Variants in JADE1 observed in about 807,000 individuals in gnomAD.
The protein encoded by JADE1 is jade family PHD finger 1.
In JADE1, 14 loss-of-function variants were observed where a neutral mutation model predicts 81.8. The observed-to-expected ratio is 0.17, with a 90% confidence interval of 0.11 to 0.27. JADE1 has a LOEUF of 0.27. JADE1 is among the 10% of genes least tolerant of loss of function. The pLI, the probability that JADE1 is intolerant of heterozygous loss-of-function variation, is 1.00. For synonymous variants in JADE1, 353 were observed against 391.9 expected, an observed-to-expected ratio of 0.90 and a Z score of 1.17; for missense variants, 690 against 1,047.9, an observed-to-expected ratio of 0.66 and a Z score of 4.71.
At chr4:128,863,339 A>G (rs1731522724) in intron 9 of JADE1, 4 of 985,512 alleles carry the variant, frequency 4.1e-6, no homozygotes, top group Non-Finnish European at 4.8e-6. Context: ...CATTAGTGTG[A>G]AAGAGGTGGG....
intron 2 of JADE1, among the ~76,000 whole-genome samples, chr4:128,832,637 A>G (rs575437926): frequency 1.6e-4 from 25 of 152,348 alleles, no homozygotes; most frequent in Non-Finnish European, 1.2e-4. Context: ...TCAGGGCAGT[A>G]ATAGAGATGT....
chr4:128,820,074 T>C (rs1020909385), intron 1 of JADE1, among the ~76,000 whole-genome samples: 1 of 152,118 alleles, frequency 6.6e-6, no homozygotes, highest in Non-Finnish European at 1.5e-5. Flanking sequence ...CCTCTCTAGC[T>C]CTGCAGTTAA....
At chr4:128,853,078 A>G (rs943369590) in intron 6 of JADE1, among the ~76,000 whole-genome samples, 2 of 151,880 alleles carry the variant, frequency 1.3e-5, no homozygotes, top group Non-Finnish European at 1.5e-5. Flanking sequence ...GGGTTTCACT[A>G]TGTTGGCCAG....
At chr4:128,857,106 C>T (rs1419976889) in intron 7 of JADE1, among the ~76,000 whole-genome samples, 1 of 152,120 alleles carries the variant, frequency 6.6e-6, no homozygotes, top group Non-Finnish European at 1.5e-5. Context: ...ACTCAGTTAT[C>T]TAAGTGTTTT....
chr4:128,813,963 A>G (rs778977113), intron 1 of JADE1, among the ~76,000 whole-genome samples: 4 of 152,036 alleles, frequency 2.6e-5, no homozygotes, highest in Non-Finnish European at 5.9e-5. Flanking sequence ...CTTTAAGAGT[A>G]CAGACTGCTT....
In JADE1 at chr4:128,846,609, A is replaced by G. The variant is rs1035626093; in HGVS notation, c.296+77A>G. 3.4e-6 allele frequency: 5 copies of G among 1,464,856 alleles called. No homozygotes were observed. The African/African-American group carries it at 4.2e-5, about 12-fold the overall frequency. 90.7% of individuals were successfully genotyped at this position (1,464,856 alleles called of 1,614,324 possible). A position where few individuals can be genotyped will look rare whatever the true frequency, so the allele number is the denominator to read the frequency against. On this transcript the variant is annotated intron_variant, in intron 4 of 10. Coordinates refer to ENST00000226319, the MANE Select transcript of JADE1 (RefSeq NM_199320.4). This position sits in a 1 kb window ranked among gnomAD's most constrained non-coding sequence, Gnocchi z 4.0. ...CCTGACAGCAGGCATCTGAGAAGAG[A>G]CAATTTCTGTGGGAAGAGACAGTTT...
chr4:128,823,769 T>A (rs564334159), intron 1 of JADE1, among the ~76,000 whole-genome samples: 2 of 152,348 alleles, frequency 1.3e-5, no homozygotes, highest in African/African-American at 4.8e-5. Flanking sequence ...ATTGAGAATC[T>A]GTGTTTGAGT....
At chr4:128,862,281 G>A (rs1731401634) in intron 9 of JADE1, 56 bp downstream of exon 9, 4 of 1,607,294 alleles carry the variant, frequency 2.5e-6, no homozygotes, top group Non-Finnish European at 2.6e-6. Flanking sequence ...GCAAAGAGGC[G>A]AACGCTCGCC....
rs1405945979 is a variant in JADE1, at chr4:128,871,916, T to G, written c.2183T>G (p.Val728Gly). The G allele has an allele frequency of 2.5e-6, 4 of 1,613,806 alleles. No homozygotes were observed. Among genetic ancestry groups the G allele is most frequent in the Non-Finnish European group, 3.4e-6 (4 of 1,179,938 alleles). The change falls in exon 11 of 11, where the codon GTA becomes GGA. Residue 728 changes from valine (V) to glycine (G), a missense_variant. By Grantham distance (109) the Val-to-Gly change is moderately radical. This residue lies in a region of JADE1 where 218 missense variants were observed against 274.3 expected (regional missense o/e 0.79). Coordinates refer to ENST00000226319, the MANE Select transcript of JADE1 (RefSeq NM_199320.4). This position sits in a 1 kb window ranked among gnomAD's most constrained non-coding sequence, Gnocchi z 4.1. ...VPKCNGSLIK[V>G]NYNQTAVKVP... ...AAGTGCAATGGCTCCCTAATCAAAG[T>G]AAACTATAATCAGACTGCAGTCAAA...
intron 2 of JADE1, among the ~76,000 whole-genome samples, chr4:128,834,844 A>T (rs1396554249): frequency 6.6e-6 from 1 of 152,020 alleles, no homozygotes; most frequent in Admixed American, 6.5e-5. Flanking sequence ...CAAATATTTC[A>T]TCTAAAATAT....
intron 7 of JADE1, 91 bp from the exon 8 acceptor site, chr4:128,857,247 G>A (rs1225940989): frequency 2.0e-6 from 2 of 977,908 alleles, no homozygotes; most frequent in East Asian, 4.8e-5. Context: ...TAGGAGAGAT[G>A]TAGGAAAGTA....
intron 2 of JADE1, among the ~76,000 whole-genome samples, chr4:128,839,082 A>T (rs1729215738): frequency 6.6e-6 from 1 of 152,106 alleles, no homozygotes; most frequent in South Asian, 2.1e-4. Context: ...CTCAACAATG[A>T]CATTTAAAAA....
At chr4:128,862,555 G>T in intron 9 of JADE1, 3 of 1,148,486 alleles carry the variant, frequency 2.6e-6, no homozygotes, top group Non-Finnish European at 3.2e-6. Context: ...TGAGCCCCAA[G>T]AAAATGACCC....
intron 1 of JADE1, among the ~76,000 whole-genome samples, chr4:128,817,082 C>A (rs1727106297): frequency 6.6e-6 from 1 of 152,096 alleles, no homozygotes; most frequent in Non-Finnish European, 1.5e-5. Flanking sequence ...TGGTCTCAAA[C>A]TCCTGACCTC....
chr4:128,842,801 A>C lies in JADE1; in HGVS notation c.53-152A>C, dbSNP rs562788229. ...GAGTTAAATAACTGATGGACGTGGA[A>C]GAGCTCTGTGAGAGCCAGGAGGGCA... On this transcript the variant is annotated intron_variant, in intron 2 of 10. Coordinates refer to ENST00000226319, the MANE Select transcript of JADE1 (RefSeq NM_199320.4). 4.5e-6 allele frequency: 3 copies of C among 660,918 alleles called. No homozygotes were observed. The East Asian group carries it at 8.5e-5, about 19-fold the overall frequency. 40.9% of individuals were successfully genotyped at this position (660,918 alleles called of 1,614,324 possible). A position where few individuals can be genotyped will look rare whatever the true frequency, so the allele number is the denominator to read the frequency against.
chr4:128,860,526 C>T (rs1462463839), intron 8 of JADE1, among the ~76,000 whole-genome samples: 1 of 152,208 alleles, frequency 6.6e-6, no homozygotes, highest in African/African-American at 2.4e-5. Flanking sequence ...TGGCTTGAAG[C>T]CGCTGGATTC....
At chr4:128,818,247 A>C (rs1727224418) in intron 1 of JADE1, among the ~76,000 whole-genome samples, 1 of 151,936 alleles carries the variant, frequency 6.6e-6, no homozygotes, top group Non-Finnish European at 1.5e-5. Context: ...CAGCCTCCCG[A>C]GTAGCTGGGA....
chr4:128,843,010 C>T lies in JADE1; in HGVS notation c.110C>T (p.Ser37Phe), dbSNP rs777339387. The change falls in exon 3 of 11, where the codon TCC becomes TTC. Residue 37 changes from serine to phenylalanine, a missense_variant. By Grantham distance (155) the Ser-to-Phe change is radical. Coordinates refer to ENST00000226319, the MANE Select transcript of JADE1 (RefSeq NM_199320.4). ...SRSQHRRSSC[S>F]RHEDRKPSEV... is the part of the protein sequence containing the mutation. Reference sequence around the variant, plus strand: ...TCCCAGCATAGGAGAAGCTCCTGCTCCAGACATGAAGATCGAAAGCCTTCA... The same window carrying T: ...TCCCAGCATAGGAGAAGCTCCTGCTTCAGACATGAAGATCGAAAGCCTTCA... The T allele has an allele frequency of 1.2e-6, 2 of 1,614,006 alleles. No homozygotes were observed. Among genetic ancestry groups the T allele is most frequent in the South Asian group, 1.1e-5 (1 of 91,076 alleles).
rs528201726 is a variant in JADE1 at position 128,813,036 on chromosome 4, G to A, written c.-27+3159G>A. ...ATGAAGGCTAGCTCTCTTGCTACTTGTAGCTCAAGGCTAATACCTTTCAAA... is the reference window on the plus strand; with the variant it reads ...ATGAAGGCTAGCTCTCTTGCTACTTATAGCTCAAGGCTAATACCTTTCAAA... On this transcript the variant is annotated intron_variant, in intron 1 of 10. Transcript: ENST00000226319. Among the ~76,000 whole-genome samples, 3 of 152,324 alleles carry A rather than the reference G, an allele frequency of 2.0e-5. No homozygotes were observed. The South Asian group carries it at 6.2e-4, about 32-fold the overall frequency.
Sources: allele counts gnomAD v4.1 joint callset (sites outside exome capture counted in the v4.1 genomes callset), GRCh38; gene constraint gnomAD v4.1.1; regional missense constraint gnomAD v4.1.1; non-coding constraint Gnocchi (gnomAD v3.1); transcripts MANE v1.5; gene names NCBI Gene and HGNC (gene_info 2026-07-23, HGNC 2026-07-21).